RBFOX1: variants seen among roughly 807,000 people sequenced by gnomAD.
RBFOX1 encodes the protein RNA binding fox-1 homolog 1, also known as RNA binding protein fox-1 homolog 1.
In RBFOX1, 8 loss-of-function variants were observed where a neutral mutation model predicts 57.7. The observed-to-expected ratio is 0.14, with a 90% CI of 0.08 to 0.25. The LOEUF (loss-of-function observed/expected upper bound fraction) is 0.25. Among genes scored for constraint, RBFOX1 ranks in the 10% least tolerant of loss-of-function variants. The pLI is 1.00. For missense variants in RBFOX1, 611 were observed against 548.5 expected (o/e 1.11, Z -1.14); for synonymous variants, 326 against 222.4 (o/e 1.47, Z -4.15).
At chr16:7,404,502 G>A (rs2098301696) in intron 4 of RBFOX1, among the ~76,000 whole-genome samples, 1 of 152,138 alleles carries the variant, frequency 6.6e-6, no homozygotes, top group East Asian at 1.9e-4. Flanking sequence ...GAAGCACTTG[G>A]CATAAATGAC....
intron 14 of RBFOX1, among the ~76,000 whole-genome samples, chr16:7,683,879 A>G (rs1568443253): frequency 6.6e-6 from 1 of 152,068 alleles, no homozygotes; most frequent in Non-Finnish European, 1.5e-5. Context: ...GTAATCCAGT[A>G]AAGCAGAAGA....
chr16:6,349,192 C>G (rs1453534219), intron 2 of RBFOX1, among the ~76,000 whole-genome samples: 1 of 152,078 alleles, frequency 6.6e-6, no homozygotes, highest in Admixed American at 6.5e-5. Flanking sequence ...AGGTTTAGAG[C>G]AGCCAGAAAA....
chr16:6,108,339 G>T (rs2096406517), intron 1 of RBFOX1, among the ~76,000 whole-genome samples: 1 of 152,098 alleles, frequency 6.6e-6, no homozygotes, highest in Non-Finnish European at 1.5e-5. Flanking sequence ...TGTGACAATG[G>T]ATCTCTGTTT....
At chr16:7,132,927 T>C (rs2070914955) in intron 4 of RBFOX1, among the ~76,000 whole-genome samples, 1 of 152,212 alleles carries the variant, frequency 6.6e-6, no homozygotes, top group Non-Finnish European at 1.5e-5. Flanking sequence ...TTTAACAGGA[T>C]ACATTTTTTC....
At chr16:6,431,308 A>T (rs2094076426) in intron 2 of RBFOX1, among the ~76,000 whole-genome samples, 1 of 151,952 alleles carries the variant, frequency 6.6e-6, no homozygotes, top group Non-Finnish European at 1.5e-5. Context: ...CAAGAAGGAT[A>T]CCTGCTTCTA....
intron 3 of RBFOX1, among the ~76,000 whole-genome samples, chr16:5,751,268 A>T (rs1432458730): frequency 6.6e-6 from 1 of 152,146 alleles, no homozygotes; most frequent in Non-Finnish European, 1.5e-5. Context: ...CTCAGCTCTA[A>T]ACTTCACTGA....
intron 2 of RBFOX1, among the ~76,000 whole-genome samples, chr16:5,515,660 A>T (rs1241966554): frequency 6.6e-6 from 1 of 152,208 alleles, no homozygotes; most frequent in African/African-American, 2.4e-5. Flanking sequence ...AATTAGATTA[A>T]TCTAAGGTTA....
At chr16:7,525,951 C>A (rs2078606525) in intron 5 of RBFOX1, among the ~76,000 whole-genome samples, 1 of 152,116 alleles carries the variant, frequency 6.6e-6, no homozygotes, top group African/African-American at 2.4e-5. Context: ...AATAGGGGTA[C>A]CCAACTCCCA....
In RBFOX1 at chr16:6,821,490, T is replaced by C. The variant is rs1464869367; in HGVS notation, c.-16+166840T>C. 2.0e-5 allele frequency among the ~76,000 whole-genome samples: 3 copies of C among 152,334 alleles called. No homozygotes were observed. The East Asian group carries it at 5.8e-4, about 29-fold the overall frequency. On this transcript the variant is annotated intron_variant, in intron 3 of 15. Transcript: ENST00000550418. ...TTGTGCAACTACCACCTTTATCTAG[T>C]TCCAAAACATTTTCATTATCCCAAA...
chr16:7,444,778 C>T (rs1208961247), intron 4 of RBFOX1, among the ~76,000 whole-genome samples: 2 of 152,170 alleles, frequency 1.3e-5, no homozygotes, highest in East Asian at 1.9e-4. Context: ...GTGATCCTCC[C>T]ACCTCAGCCT....
At chr16:6,542,308 C>G (rs193165218) in intron 2 of RBFOX1, among the ~76,000 whole-genome samples, 3 of 151,878 alleles carry the variant, frequency 2.0e-5, no homozygotes, top group Non-Finnish European at 4.4e-5. Flanking sequence ...TTTTCTCTTT[C>G]TTGAGTAGCA....
Position 7,096,110 on chromosome 16 carries a change from A to G in RBFOX1, c.27+44012A>G, listed in dbSNP as rs564832121. Among the ~76,000 whole-genome samples the G allele has an allele frequency of 7.9e-5, 12 of 152,278 alleles. 1 individual carries two copies. The South Asian group carries it at 1.2e-3, about 16-fold the overall frequency. On this transcript the variant is annotated intron_variant, in intron 4 of 15. Transcript: ENST00000550418. ...GTGCTAAGTTCTGACGACCCAGGAG[A>G]CATGATATGATCCCAATCTTCATAT... is the stretch of plus-strand genomic sequence containing the variant.
intron 3 of RBFOX1, among the ~76,000 whole-genome samples, chr16:5,754,191 C>T (rs1357874002): frequency 1.3e-5 from 2 of 152,216 alleles, no homozygotes; most frequent in Non-Finnish European, 2.9e-5. Flanking sequence ...AATCCCACCT[C>T]TGCCACATGC....
chr16:5,471,389 G>C (rs919275490), intron 2 of RBFOX1, among the ~76,000 whole-genome samples: 1 of 152,150 alleles, frequency 6.6e-6, no homozygotes, highest in Non-Finnish European at 1.5e-5. Context: ...TTCAGTGACT[G>C]GGTTGAGGTA....
At chr16:5,666,315 G>T (rs1250979892) in intron 3 of RBFOX1, among the ~76,000 whole-genome samples, 1 of 152,158 alleles carries the variant, frequency 6.6e-6, no homozygotes, top group Non-Finnish European at 1.5e-5. Context: ...TTCAACATTG[G>T]TACTCGTGAA....
At chr16:6,913,764 A>G (rs2072352417) in intron 3 of RBFOX1, among the ~76,000 whole-genome samples, 5 of 152,104 alleles carry the variant, frequency 3.3e-5, no homozygotes, top group Admixed American at 3.3e-4. Flanking sequence ...GGTTAAGTCC[A>G]CTGTGGGAAG....
chr16:6,379,093 A>G lies in RBFOX1; in HGVS notation c.-64+62036A>G, dbSNP rs2795561. Among the ~76,000 whole-genome samples, 739 of 152,176 alleles carry G rather than the reference A, an allele frequency of 4.9e-3. 12 individuals carry two copies. Among genetic ancestry groups the G allele is most frequent in the African/African-American group, 0.016 (683 of 41,534 alleles). On this transcript the variant is annotated intron_variant, in intron 2 of 15. Coordinates refer to ENST00000550418, the MANE Select transcript of RBFOX1 (RefSeq NM_018723.4). ...AGGAGGAGGATGCCCAGCTTTCTAA[A>G]CTGGGTATTTGAGTGGATGGGGGTG...
At chr16:6,487,377 G>T (rs191620900) in intron 2 of RBFOX1, among the ~76,000 whole-genome samples, 12 of 152,054 alleles carry the variant, frequency 7.9e-5, no homozygotes, top group East Asian at 7.7e-4. Context: ...AACCTATAGG[G>T]TATTGGGAGG....
intron 2 of RBFOX1, among the ~76,000 whole-genome samples, chr16:5,582,673 C>G (rs1033212614): frequency 1.3e-5 from 2 of 151,712 alleles, no homozygotes; most frequent in Non-Finnish European, 2.9e-5. Flanking sequence ...GCCCCAGCCT[C>G]CCAAGTAGCT....
Sources: gnomAD v4.1 joint callset for allele counts (sites outside exome capture counted in the v4.1 genomes callset) on GRCh38, gnomAD v4.1.1 for gene constraint, MANE v1.5 for transcripts, NCBI Gene and HGNC (gene_info 2026-07-23, HGNC 2026-07-21) for gene names.